MACROD2: variants seen among roughly 807,000 people sequenced by gnomAD.
MACROD2 encodes ADP-ribose glycohydrolase MACROD2.
In MACROD2, 36 loss-of-function variants were observed where a neutral mutation model predicts 70.4. The observed-to-expected ratio is 0.51, with a 90% CI of 0.39 to 0.68. MACROD2 has a LOEUF of 0.68. Ranked by LOEUF, MACROD2 falls within the 30% of genes least tolerant of loss-of-function variation. The pLI is 0.00. For missense variants in MACROD2, 496 were observed against 538.4 expected, an observed-to-expected ratio of 0.92 and a Z score of 0.78; for synonymous variants, 172 against 178.8, an observed-to-expected ratio of 0.96 and a Z score of 0.30.
intron 5 of MACROD2, among the ~76,000 whole-genome samples, chr20:14,785,155 T>A (rs796976961): frequency 5.4e-4 from 82 of 151,782 alleles, no homozygotes; most frequent in African/African-American, 1.7e-3. Context: ...TCCCTGTCAG[T>A]CTCTCATGAA....
At chr20:14,655,379 TGTTCCTGTCTGA>T (rs1357629502) in intron 4 of MACROD2, among the ~76,000 whole-genome samples, 2 of 151,622 alleles carry the variant, frequency 1.3e-5, no homozygotes, top group African/African-American at 4.9e-5. Context: ...TGCTTGTGTG[TGTTCCTGTCTGA>T]GTTTTGCTTC....
chr20:15,227,151 G>A (rs1270075994), intron 5 of MACROD2, among the ~76,000 whole-genome samples: 1 of 152,052 alleles, frequency 6.6e-6, no homozygotes, highest in Non-Finnish European at 1.5e-5. Flanking sequence ...TTAATGCTGA[G>A]GAGGCTCATT....
intron 10 of MACROD2, among the ~76,000 whole-genome samples, chr20:15,897,702 A>G (rs1423064977): frequency 6.6e-6 from 1 of 151,900 alleles, no homozygotes; most frequent in African/African-American, 2.4e-5. Context: ...CTTTTTTGAT[A>G]GGTTTTATTT....
chr20:14,722,563 A>C (rs974988116), intron 5 of MACROD2, among the ~76,000 whole-genome samples: 1 of 152,194 alleles, frequency 6.6e-6, no homozygotes, highest in African/African-American at 2.4e-5. Flanking sequence ...TGCTTTTCAC[A>C]TAGTAAGCAG....
chr20:14,988,265 G>A (rs537574446), intron 5 of MACROD2, among the ~76,000 whole-genome samples: 33 of 148,362 alleles, frequency 2.2e-4, no homozygotes, highest in African/African-American at 8.2e-4. Context: ...TCGGGAGGTT[G>A]AGGCAGAAGA....
intron 6 of MACROD2, among the ~76,000 whole-genome samples, chr20:15,397,998 A>G (rs1013255301): frequency 2.0e-5 from 3 of 152,220 alleles, no homozygotes; most frequent in African/African-American, 7.2e-5. Context: ...CAGAACACAG[A>G]TAGCTCTTTT....
At chr20:14,678,068 T>C (rs1255981701) in intron 4 of MACROD2, among the ~76,000 whole-genome samples, 1 of 152,110 alleles carries the variant, frequency 6.6e-6, no homozygotes, top group Non-Finnish European at 1.5e-5. Context: ...CAGTCTAGTA[T>C]GGGAAGTGGG....
intron 15 of MACROD2, among the ~76,000 whole-genome samples, chr20:16,027,295 C>T (rs1187544328): frequency 2.0e-5 from 3 of 152,104 alleles, no homozygotes; most frequent in African/African-American, 4.8e-5. Context: ...TTGGATGCAG[C>T]GTACATTTCT....
chr20:14,651,378 T>C (rs1321927606), intron 4 of MACROD2, among the ~76,000 whole-genome samples: 2 of 152,118 alleles, frequency 1.3e-5, no homozygotes, highest in East Asian at 3.9e-4. Flanking sequence ...TAGACCCTGA[T>C]ATAATAGGGG....
chr20:14,509,000 G>C (rs2123142369), intron 4 of MACROD2, among the ~76,000 whole-genome samples: 1 of 152,204 alleles, frequency 6.6e-6, no homozygotes, highest in South Asian at 2.1e-4. Flanking sequence ...TGCACTCAAT[G>C]GAATCATATG....
chr20:15,818,158 C>T (rs561658771), intron 8 of MACROD2, among the ~76,000 whole-genome samples: 1 of 152,122 alleles, frequency 6.6e-6, no homozygotes, highest in African/African-American at 2.4e-5. Flanking sequence ...GGACCTTCCT[C>T]AAGGAAGAAT....
chr20:15,880,720 T>C (rs1165845933), intron 9 of MACROD2, among the ~76,000 whole-genome samples: 2 of 152,010 alleles, frequency 1.3e-5, no homozygotes, highest in Non-Finnish European at 2.9e-5. Flanking sequence ...TTCTCTAGTA[T>C]TACTTGAATG....
chr20:14,180,460 G>A (rs780905474), intron 3 of MACROD2, among the ~76,000 whole-genome samples: 59 of 152,038 alleles, frequency 3.9e-4, no homozygotes, highest in Non-Finnish European at 6.8e-4. Context: ...TTATTTAGTG[G>A]TATAATAAAG....
chr20:15,933,610 G>C (rs764149238), intron 11 of MACROD2, among the ~76,000 whole-genome samples: 3 of 152,164 alleles, frequency 2.0e-5, no homozygotes, highest in African/African-American at 7.2e-5. Flanking sequence ...ACGGGCGGAG[G>C]TTGAAAGTGC....
At chr20:15,104,375 T>C (rs1235913269) in intron 5 of MACROD2, among the ~76,000 whole-genome samples, 1 of 152,124 alleles carries the variant, frequency 6.6e-6, no homozygotes, top group Non-Finnish European at 1.5e-5. Flanking sequence ...ATCCAACATA[T>C]CAGGTCCTGT....
intron 10 of MACROD2, among the ~76,000 whole-genome samples, chr20:15,908,907 T>C (rs1164448723): frequency 6.6e-6 from 1 of 152,232 alleles, no homozygotes; most frequent in Non-Finnish European, 1.5e-5. Flanking sequence ...CACAAGTTAG[T>C]GATCTTAGCT....
chr20:15,314,988 G>A (rs1274754915), intron 6 of MACROD2, among the ~76,000 whole-genome samples: 1 of 152,140 alleles, frequency 6.6e-6, no homozygotes, highest in Non-Finnish European at 1.5e-5. Flanking sequence ...TAAATAGCAT[G>A]GCTAAGCAAT....
intron 3 of MACROD2, among the ~76,000 whole-genome samples, chr20:14,090,264 C>G (rs765072148): frequency 2.0e-5 from 3 of 152,124 alleles, no homozygotes; most frequent in Non-Finnish European, 2.9e-5. Flanking sequence ...CAGAACTATT[C>G]CATTATCATA....
chr20:15,120,466 C>T (rs534520738), intron 5 of MACROD2, among the ~76,000 whole-genome samples: 25 of 152,180 alleles, frequency 1.6e-4, no homozygotes, highest in African/African-American at 5.1e-4. Flanking sequence ...ATTTTATATG[C>T]GTTTTATTTA....
Sources: gnomAD v4.1 joint callset for allele counts (sites outside exome capture counted in the v4.1 genomes callset) on GRCh38, gnomAD v4.1.1 for gene constraint, MANE v1.5 for transcripts, NCBI Gene and HGNC (gene_info 2026-07-23, HGNC 2026-07-21) for gene names.